DOCK3: variants seen among roughly 807,000 people sequenced by gnomAD.
The protein encoded by DOCK3 is dedicator of cytokinesis protein 3.
In DOCK3, 60 loss-of-function variants were observed where a neutral mutation model predicts 265.6. That is an observed-to-expected ratio of 0.23 (90% CI 0.18 to 0.28). The LOEUF (loss-of-function observed/expected upper bound fraction) is 0.28. DOCK3 is among the 10% of genes least tolerant of loss of function. The pLI, the probability that DOCK3 is intolerant of heterozygous loss-of-function variation, is 1.00. For synonymous variants in DOCK3, 881 were observed against 938.0 expected (o/e 0.94, Z 1.11); for missense variants, 1,981 against 2,594.3 (o/e 0.76, Z 5.14).
intron 3 of DOCK3, among the ~76,000 whole-genome samples, chr3:50,885,957 A>T (rs1381087009): frequency 6.6e-6 from 1 of 151,916 alleles, no homozygotes; most frequent in African/African-American, 2.4e-5. Context: ...TCTTAATAGG[A>T]TGACCTTTTC....
chr3:51,160,218 C>T (rs2086062496), intron 11 of DOCK3, among the ~76,000 whole-genome samples: 1 of 152,144 alleles, frequency 6.6e-6, no homozygotes, highest in African/African-American at 2.4e-5. Flanking sequence ...CTAAAACATA[C>T]CTGAGAAGTT....
chr3:51,131,457 G>T (rs1185315170), intron 9 of DOCK3, among the ~76,000 whole-genome samples: 1 of 152,138 alleles, frequency 6.6e-6, no homozygotes, highest in Non-Finnish European at 1.5e-5. Context: ...ATGTAGTAGG[G>T]TCCTTCTTTG....
chr3:50,728,061 ATG>A (rs546914391), intron 1 of DOCK3, among the ~76,000 whole-genome samples: 91 of 152,320 alleles, frequency 6.0e-4, no homozygotes, highest in Admixed American at 4.1e-3. Context: ...GCCAAAAAAC[ATG>A]TCTTAATAAA....
At chr3:50,959,398 A>G (rs138131331) in intron 5 of DOCK3, among the ~76,000 whole-genome samples, 1 of 152,028 alleles carries the variant, frequency 6.6e-6, no homozygotes, top group Non-Finnish European at 1.5e-5. Flanking sequence ...AAAATACAGT[A>G]TCATTAGTGA....
intron 5 of DOCK3, among the ~76,000 whole-genome samples, chr3:50,993,063 C>G (rs2078166107): frequency 6.6e-6 from 1 of 152,074 alleles, no homozygotes. Context: ...AGCAATAGAC[C>G]ATCTCCTCAA....
rs189058674 is a variant in DOCK3 at position 50,812,975 on chromosome 3, T to G, written c.122-28700T>G. On this transcript the variant is annotated intron_variant, in intron 2 of 52. Coordinates refer to ENST00000266037, the MANE Select transcript of DOCK3 (RefSeq NM_004947.5). ...GTGTTTTTTCTTCATGAGATTTGTT[T>G]CAATTTTATGTGTATGGGGTTATGA... Among the ~76,000 whole-genome samples, 339 of 152,330 alleles carry G rather than the reference T, an allele frequency of 2.2e-3. 1 individual carries two copies. The highest frequency in any genetic ancestry group is 7.9e-3 in the African/African-American group (329 of 41,564).
intron 1 of DOCK3, among the ~76,000 whole-genome samples, chr3:50,754,787 G>C (rs919588682): frequency 5.9e-5 from 9 of 152,042 alleles, no homozygotes; most frequent in African/African-American, 2.2e-4. Flanking sequence ...TCGAACTCCT[G>C]ACCTCAGGTA....
At chr3:51,380,381 T>G (rs1364830973) in intron 52 of DOCK3, among the ~76,000 whole-genome samples, 174 bp downstream of exon 52, 1 of 152,164 alleles carries the variant, frequency 6.6e-6, no homozygotes, top group East Asian at 1.9e-4. Context: ...TGCACATTTG[T>G]GTCCTGCAGC....
At chr3:50,796,891 C>T (rs2108644480) in intron 2 of DOCK3, among the ~76,000 whole-genome samples, 1 of 152,138 alleles carries the variant, frequency 6.6e-6, no homozygotes, top group Non-Finnish European at 1.5e-5. Flanking sequence ...TTCTGGGCTG[C>T]ATGCTCTAAC....
At chr3:50,700,439 CT>C (rs886600963) in intron 1 of DOCK3, among the ~76,000 whole-genome samples, 1 of 152,190 alleles carries the variant, frequency 6.6e-6, no homozygotes, top group African/African-American at 2.4e-5. Flanking sequence ...TCCTCCCTAC[CT>C]TTTCCAGCCT....
At chr3:51,202,369 A>G (rs1485260208) in intron 12 of DOCK3, among the ~76,000 whole-genome samples, 1 of 150,896 alleles carries the variant, frequency 6.6e-6, no homozygotes, top group African/African-American at 2.4e-5. Flanking sequence ...ACAAACTACC[A>G]TCAGAGAATA....
intron 7 of DOCK3, among the ~76,000 whole-genome samples, chr3:51,088,057 A>G (rs910606119): frequency 1.3e-5 from 2 of 152,226 alleles, no homozygotes; most frequent in East Asian, 3.8e-4. Context: ...ACAATGGAAT[A>G]CTATTCTGCC....
chr3:50,859,074 T>C (rs986953606), intron 3 of DOCK3, among the ~76,000 whole-genome samples: 1 of 152,084 alleles, frequency 6.6e-6, no homozygotes, highest in African/African-American at 2.4e-5. Flanking sequence ...GGTTCTTATT[T>C]TCCTTGGGTT....
At chr3:51,055,954 A>G (rs1410138807) in intron 5 of DOCK3, among the ~76,000 whole-genome samples, 3 of 152,190 alleles carry the variant, frequency 2.0e-5, no homozygotes, top group Admixed American at 1.3e-4. Flanking sequence ...TAGACTGAGG[A>G]TGATATCATG....
chr3:51,382,740 C>T lies in DOCK3; in HGVS notation c.*1181C>T, dbSNP rs2110666431. 6.6e-6 allele frequency: 1 copy of T among 152,646 alleles called. No homozygotes were observed. The highest frequency in any genetic ancestry group is 2.1e-4 in the South Asian group (1 of 4,818). 9.5% of individuals were successfully genotyped at this position (152,646 alleles called of 1,614,324 possible). A position where few individuals can be genotyped will look rare whatever the true frequency, so the allele number is the denominator to read the frequency against. On this transcript the variant is annotated 3_prime_UTR_variant, in exon 53 of 53. Coordinates refer to ENST00000266037, the MANE Select transcript of DOCK3 (RefSeq NM_004947.5). ...ACCCACTCCAGGCCATGGGGACCACCACTCAGGGTTCGGGGCTGGCAGGAG... is the reference window on the plus strand; with the variant it reads ...ACCCACTCCAGGCCATGGGGACCACTACTCAGGGTTCGGGGCTGGCAGGAG...
chr3:50,984,274 A>G (rs1337324058), intron 5 of DOCK3, among the ~76,000 whole-genome samples: 1 of 152,214 alleles, frequency 6.6e-6, no homozygotes, highest in Non-Finnish European at 1.5e-5. Context: ...ATCCTGTAAC[A>G]GTAACATTTG....
chr3:51,191,839 T>C (rs1471479615), intron 12 of DOCK3, among the ~76,000 whole-genome samples: 2 of 151,872 alleles, frequency 1.3e-5, no homozygotes, highest in African/African-American at 2.4e-5. Context: ...ATTATTAGCT[T>C]GTTTTTCCTG....
intron 51 of DOCK3, among the ~76,000 whole-genome samples, chr3:51,378,546 C>T (rs2088328696): frequency 1.3e-5 from 2 of 152,356 alleles, no homozygotes; most frequent in South Asian, 4.1e-4. Context: ...AATCCAGTGA[C>T]AGCACCTGGA....
rs2081753106 is a variant in DOCK3, at chr3:51,069,330, TTTTAA to T, written c.464+4740_464+4744del. On this transcript the variant is annotated intron_variant, in intron 6 of 52. Coordinates refer to ENST00000266037, the MANE Select transcript of DOCK3 (RefSeq NM_004947.5). ...TAAAATAATTTCTCTAGTGATGTAA[TTTTAA>T]TTTAACTTAATATTTTCAACATCTT... 2.6e-5 allele frequency among the ~76,000 whole-genome samples: 4 copies of T among 152,120 alleles called. No homozygotes were observed. The South Asian group carries it at 8.3e-4, about 31-fold the overall frequency.
Sources: allele counts gnomAD v4.1 joint callset (sites outside exome capture counted in the v4.1 genomes callset), GRCh38; gene constraint gnomAD v4.1.1; transcripts MANE v1.5; gene names NCBI Gene and HGNC (gene_info 2026-07-23, HGNC 2026-07-21).